The following TNNI3K variants were observed in gnomAD, a reference collection of about 807,000 sequenced individuals.
TNNI3K encodes serine/threonine-protein kinase TNNI3K.
Under a neutral mutation model 114.5 loss-of-function variants are expected in TNNI3K, and 140 were observed. The ratio of observed to expected loss-of-function variants is 1.22; its 90% confidence interval spans 1.07 to 1.41. TNNI3K has a LOEUF of 1.41. TNNI3K is among the 40% of genes most tolerant of loss of function. TNNI3K has a pLI of 0.00. For missense variants in TNNI3K, 1,125 were observed against 1,007.6 expected, an observed-to-expected ratio of 1.12 and a Z score of -1.58; for synonymous variants, 347 against 347.5, an observed-to-expected ratio of 1.00 and a Z score of 0.02.
Position 74,381,396 on chromosome 1 carries a change from T to C in TNNI3K, c.1772+11004T>C, listed in dbSNP as rs139864315. ...AAATACATTAGCATTATTAGCATTA[T>C]TTTTCTTCTTTATTCTTTCGAAAGA... On this transcript the variant is annotated intron_variant, in intron 17 of 24. Transcript: ENST00000326637. Among the ~76,000 whole-genome samples the C allele has an allele frequency of 1.5e-3, 230 of 152,322 alleles. 1 individual carries two copies. Among genetic ancestry groups the C allele is most frequent in the African/African-American group, 5.4e-3 (224 of 41,582 alleles).
intron 20 of TNNI3K, among the ~76,000 whole-genome samples, chr1:74,450,992 A>T (rs1233431391): frequency 6.6e-6 from 1 of 152,244 alleles, no homozygotes; most frequent in Non-Finnish European, 1.5e-5. Context: ...AAGAGATGGA[A>T]TCAACCCAAA....
intron 17 of TNNI3K, among the ~76,000 whole-genome samples, chr1:74,378,376 C>A (rs989150642): frequency 6.6e-6 from 1 of 151,242 alleles, no homozygotes; most frequent in Non-Finnish European, 1.5e-5. Context: ...GGTTCCAATA[C>A]AATTGAAATT....
intron 17 of TNNI3K, among the ~76,000 whole-genome samples, chr1:74,410,383 A>G (rs1049556349): frequency 8.5e-5 from 13 of 152,196 alleles, no homozygotes; most frequent in African/African-American, 3.1e-4. Flanking sequence ...AACATTTTCT[A>G]ACTCTGATTC....
chr1:74,255,403 A>G (rs977930787), intron 4 of TNNI3K, among the ~76,000 whole-genome samples: 1 of 151,746 alleles, frequency 6.6e-6, no homozygotes, highest in Non-Finnish European at 1.5e-5. Context: ...GTAACCCCGT[A>G]AGTCTCAGCC....
intron 23 of TNNI3K, among the ~76,000 whole-genome samples, chr1:74,500,654 A>C (rs1360705377): frequency 1.5e-5 from 2 of 134,000 alleles, no homozygotes; most frequent in Non-Finnish European, 3.1e-5. Context: ...AAAAAAAAAA[A>C]AAAAATTATT....
intron 5 of TNNI3K, among the ~76,000 whole-genome samples, chr1:74,283,699 T>C (rs1014256140): frequency 2.0e-5 from 3 of 152,214 alleles, no homozygotes; most frequent in East Asian, 1.9e-4. Context: ...TGTGTTAATT[T>C]GCATCCTTAT....
intron 17 of TNNI3K, among the ~76,000 whole-genome samples, chr1:74,383,115 C>T (rs1309694386): frequency 1.3e-5 from 2 of 150,056 alleles, no homozygotes; most frequent in Non-Finnish European, 3.0e-5. Flanking sequence ...GAAAGACATT[C>T]TGAGTCTTCT....
At chr1:74,253,411 G>A (rs1374344882) in intron 4 of TNNI3K, among the ~76,000 whole-genome samples, 6 of 152,114 alleles carry the variant, frequency 3.9e-5, no homozygotes, top group Non-Finnish European at 8.8e-5. Context: ...GGGTAAGCTC[G>A]GCCATGCAAG....
At chr1:74,402,128 A>G (rs779487030) in intron 17 of TNNI3K, among the ~76,000 whole-genome samples, 7 of 152,170 alleles carry the variant, frequency 4.6e-5, no homozygotes, top group Non-Finnish European at 2.9e-5. Flanking sequence ...CCAAGTGTAG[A>G]CAGACAAAAA....
chr1:74,302,063 A>G (rs758878560), intron 5 of TNNI3K, among the ~76,000 whole-genome samples: 1 of 152,222 alleles, frequency 6.6e-6, no homozygotes, highest in Non-Finnish European at 1.5e-5. Flanking sequence ...GCTCTGCATC[A>G]GTCCAGTCTG....
intron 5 of TNNI3K, among the ~76,000 whole-genome samples, chr1:74,282,020 T>G (rs1372914109): frequency 6.6e-6 from 1 of 152,194 alleles, no homozygotes; most frequent in African/African-American, 2.4e-5. Flanking sequence ...TGGTACATTA[T>G]TCCCTTAGCT....
intron 11 of TNNI3K, among the ~76,000 whole-genome samples, chr1:74,356,484 C>T (rs1216278851): frequency 6.6e-6 from 1 of 152,080 alleles, no homozygotes; most frequent in African/African-American, 2.4e-5. Flanking sequence ...TCTCAGGAGG[C>T]CTTACTAAAT....
At chr1:74,331,017 G>A (rs1310073927) in intron 5 of TNNI3K, among the ~76,000 whole-genome samples, 4 of 152,120 alleles carry the variant, frequency 2.6e-5, no homozygotes, top group Non-Finnish European at 4.4e-5. Context: ...ATTTCAGCCA[G>A]GCAGATGGCA....
chr1:74,306,231 A>G (rs1291562742), intron 5 of TNNI3K, among the ~76,000 whole-genome samples: 2 of 152,122 alleles, frequency 1.3e-5, no homozygotes, highest in Non-Finnish European at 1.5e-5. Flanking sequence ...TGGCCATGTA[A>G]TATTCCATGG....
At chr1:74,420,859 T>G (rs569918813) in intron 17 of TNNI3K, among the ~76,000 whole-genome samples, 20 of 152,264 alleles carry the variant, frequency 1.3e-4, no homozygotes, top group African/African-American at 4.3e-4. Flanking sequence ...AATGGCTGCT[T>G]CTTATCTATA....
At chr1:74,439,462 T>C (rs199605210) in intron 19 of TNNI3K, 28 bp from the exon 20 acceptor site, 2 of 1,601,886 alleles carry the variant, frequency 1.2e-6, no homozygotes, top group Non-Finnish European at 1.7e-6. Flanking sequence ...ACTTGGTAAA[T>C]GGCTTGTGGA....
In TNNI3K at chr1:74,353,314, T is replaced by C; in HGVS notation, c.981T>C (p.Asp327=). The C allele has an allele frequency of 6.2e-7, 1 of 1,613,872 alleles. No homozygotes were observed. ...TTGACCTAGTCAAATTTCTTCTTGA[T>C]CAGAATGTCATAAACATCAACCACC... ...KSIDLVKFLL[D]QNVININHQG... is the part of the protein sequence containing the mutation. Residue 327 remains aspartate (D), a synonymous_variant, in exon 10 of 25, where the codon GAT becomes GAC. Coordinates refer to ENST00000326637, the MANE Select transcript of TNNI3K (RefSeq NM_015978.3).
chr1:74,242,588 C>G (rs550910010), intron 2 of TNNI3K, among the ~76,000 whole-genome samples: 13 of 152,174 alleles, frequency 8.5e-5, no homozygotes, highest in African/African-American at 2.9e-4. Context: ...GAAATGTCAT[C>G]TTATAATTAA....
rs377454541 is a variant in TNNI3K at position 74,354,087 on chromosome 1, G to A, written c.1135G>A (p.Glu379Lys). 5.0e-6 allele frequency: 8 copies of A among 1,613,942 alleles called. No individual in the cohort carries two copies. Among genetic ancestry groups the A allele is most frequent in the Middle Eastern group, 1.6e-4 (1 of 6,084 alleles). Residue 379 changes from glutamate (E) to lysine (K), a missense_variant, in exon 11 of 25, where the codon GAA becomes AAA. Coordinates refer to ENST00000326637, the MANE Select transcript of TNNI3K (RefSeq NM_015978.3). ...VACDPSRSSG[E>K]KDEQTCLMWA... ...TTGTGATCCCAGCAGGTCTAGTGGT[G>A]AAAAAGATGAGCAGACATGTTTGAT...
Sources: allele counts gnomAD v4.1 joint callset (sites outside exome capture counted in the v4.1 genomes callset), GRCh38; gene constraint gnomAD v4.1.1; transcripts MANE v1.5; gene names NCBI Gene and HGNC (gene_info 2026-07-23, HGNC 2026-07-21).